Variants in SH3PXD2A observed in about 807,000 individuals in gnomAD.
The protein encoded by SH3PXD2A is SH3 and PX domains 2A.
In SH3PXD2A, 32 loss-of-function variants were observed where a neutral mutation model predicts 115.2. The observed-to-expected ratio is 0.28, with a 90% CI of 0.21 to 0.37. SH3PXD2A has a LOEUF of 0.37. Ranked by LOEUF, SH3PXD2A falls within the 10% of genes least tolerant of loss-of-function variation. SH3PXD2A has a pLI of 1.00. For missense variants in SH3PXD2A, 1,328 were observed against 1,498.7 expected (o/e 0.89, Z 1.88); for synonymous variants, 610 against 629.1 (o/e 0.97, Z 0.45).
At chr10:103,730,511 A>T (rs574806384) in intron 4 of SH3PXD2A, among the ~76,000 whole-genome samples, 1 of 152,056 alleles carries the variant, frequency 6.6e-6, no homozygotes, top group African/African-American at 2.4e-5. Context: ...TTCTGAGTTC[A>T]GAGTATTCAA....
At chr10:103,699,880 C>A (rs1001995663) in intron 5 of SH3PXD2A, among the ~76,000 whole-genome samples, 1 of 152,180 alleles carries the variant, frequency 6.6e-6, no homozygotes, top group Non-Finnish European at 1.5e-5. Context: ...CCAGAGGGGC[C>A]GGAATTCCTG....
intron 4 of SH3PXD2A, among the ~76,000 whole-genome samples, chr10:103,732,867 C>T (rs78552613): frequency 0.017 from 2,545 of 152,322 alleles, 27 homozygotes; most frequent in Middle Eastern, 0.037. Context: ...CTGCACACGG[C>T]ACTGTGCTGG....
intron 5 of SH3PXD2A, among the ~76,000 whole-genome samples, chr10:103,711,439 C>G (rs1424302160): frequency 1.3e-5 from 2 of 152,186 alleles, no homozygotes; most frequent in African/African-American, 4.8e-5. Context: ...AGTGAACACC[C>G]AGCTGGGCCA....
intron 13 of SH3PXD2A, among the ~76,000 whole-genome samples, chr10:103,606,177 T>TATC (rs56654395): frequency 0.16 from 22,942 of 142,652 alleles, 1,822 homozygotes; most frequent in Non-Finnish European, 0.18. Flanking sequence ...TTACTATTAC[T>TATC]ATCATCATCA....
At chr10:103,802,417 A>G (rs966138244) in intron 1 of SH3PXD2A, among the ~76,000 whole-genome samples, 9 of 152,328 alleles carry the variant, frequency 5.9e-5, no homozygotes, top group East Asian at 5.8e-4. Flanking sequence ...AAGGCATTTC[A>G]GGGCCAGGCT....
intron 1 of SH3PXD2A, among the ~76,000 whole-genome samples, chr10:103,825,797 T>C (rs1564898553): frequency 7.0e-6 from 1 of 142,728 alleles, no homozygotes; most frequent in Non-Finnish European, 1.5e-5. Flanking sequence ...GGAGTCTCGC[T>C]CTGTCACCCA....
At chr10:103,660,313 G>A (rs1026709067) in intron 8 of SH3PXD2A, among the ~76,000 whole-genome samples, 1 of 152,132 alleles carries the variant, frequency 6.6e-6, no homozygotes, top group African/African-American at 2.4e-5. Flanking sequence ...GGGACACCAA[G>A]GTACCTTTGC....
intron 1 of SH3PXD2A, among the ~76,000 whole-genome samples, chr10:103,845,062 A>C (rs1407441080): frequency 1.3e-5 from 2 of 151,978 alleles, no homozygotes; most frequent in African/African-American, 4.8e-5. Context: ...GGTGGCTCAC[A>C]CCTGTAATCC....
chr10:103,658,447 CCTT>C (rs1436804905), intron 8 of SH3PXD2A, among the ~76,000 whole-genome samples: 1 of 152,224 alleles, frequency 6.6e-6, no homozygotes, highest in Admixed American at 6.5e-5. Context: ...ACTCACCACT[CCTT>C]CAGGTTGCAC....
rs2036135136 is a variant in SH3PXD2A at position 103,596,587 on chromosome 10, C to T, written c.*5229G>A. The stretch of plus-strand genomic sequence containing the variant: ...GCCTGGTATTTTTTTTTCTCTAACC[C>T]CATGTTATTTAGTTCAAGTGGGAAG... On this transcript the variant is annotated 3_prime_UTR_variant, in exon 15 of 15. Coordinates refer to ENST00000369774, the MANE Select transcript of SH3PXD2A (RefSeq NM_001394015.1). 1 of 151,636 alleles carries T rather than the reference C, an allele frequency of 6.6e-6. No homozygotes were observed. The highest frequency in any genetic ancestry group is 1.5e-5 in the Non-Finnish European group (1 of 67,898). 9.4% of individuals were successfully genotyped at this position (151,636 alleles called of 1,614,324 possible). A position where few individuals can be genotyped will look rare whatever the true frequency, so the allele number is the denominator to read the frequency against.
chr10:103,718,806 C>T (rs1289284108), intron 5 of SH3PXD2A, among the ~76,000 whole-genome samples: 8 of 151,188 alleles, frequency 5.3e-5, no homozygotes, highest in Admixed American at 4.6e-4. Context: ...CACGCACATA[C>T]ACCCCTATTC....
intron 3 of SH3PXD2A, among the ~76,000 whole-genome samples, chr10:103,765,673 C>T (rs774727514): frequency 6.6e-6 from 1 of 152,244 alleles, no homozygotes; most frequent in Non-Finnish European, 1.5e-5. Flanking sequence ...GCCTAACACG[C>T]TGTGGCCTCA....
At chr10:103,640,722 T>C (rs947117160) in intron 8 of SH3PXD2A, among the ~76,000 whole-genome samples, 1 of 152,106 alleles carries the variant, frequency 6.6e-6, no homozygotes, top group East Asian at 1.9e-4. Context: ...AAGTAAAACA[T>C]GGACTCCCTA....
chr10:103,671,223 G>C (rs1335301384), intron 6 of SH3PXD2A, among the ~76,000 whole-genome samples: 1 of 152,222 alleles, frequency 6.6e-6, no homozygotes, highest in African/African-American at 2.4e-5. Context: ...AACACTGTAG[G>C]CTTTGGGGGC....
chr10:103,692,946 A>C, intron 6 of SH3PXD2A, 82 bp downstream of exon 6: 3 of 1,109,618 alleles, frequency 2.7e-6, no homozygotes, highest in Non-Finnish European at 2.7e-6. Flanking sequence ...CCCGCCCCCA[A>C]GAAGTCCTCT....
intron 8 of SH3PXD2A, among the ~76,000 whole-genome samples, chr10:103,640,559 G>A (rs1346281242): frequency 6.6e-6 from 1 of 152,180 alleles, no homozygotes; most frequent in Non-Finnish European, 1.5e-5. Flanking sequence ...AAGAGCATTT[G>A]ACAAAGAGCC....
At chr10:103,700,959 TC>T (rs1390552810) in intron 5 of SH3PXD2A, among the ~76,000 whole-genome samples, 1 of 150,346 alleles carries the variant, frequency 6.7e-6, no homozygotes, top group African/African-American at 2.4e-5. Context: ...CATCCATCCA[TC>T]CATCCATCCA....
chr10:103,615,869 T>C lies in SH3PXD2A; in HGVS notation c.920+1328A>G, dbSNP rs1384509209. ...TGTTCAACTCATGGCTGGTGGGTGA[T>C]TGGGTTGACTCTAGTTTCCATTGCT... On this transcript the variant is annotated intron_variant, in intron 11 of 14. Transcript: ENST00000369774. 6.6e-5 allele frequency among the ~76,000 whole-genome samples: 10 copies of C among 152,042 alleles called. No individual in the cohort carries two copies. In the East Asian group the frequency reaches 1.9e-3, roughly 29 times the overall value.
chr10:103,773,385 A>T (rs1305355288), intron 2 of SH3PXD2A, among the ~76,000 whole-genome samples: 1 of 151,876 alleles, frequency 6.6e-6, no homozygotes, highest in East Asian at 1.9e-4. Context: ...AGCGAGCATC[A>T]CAGAAGAAGA....
Sources: allele counts gnomAD v4.1 joint callset (sites outside exome capture counted in the v4.1 genomes callset), GRCh38; gene constraint gnomAD v4.1.1; transcripts MANE v1.5; gene names NCBI Gene and HGNC (gene_info 2026-07-23, HGNC 2026-07-21).